Variants in SH3RF1 observed in about 807,000 individuals in gnomAD.
The protein encoded by SH3RF1 is E3 ubiquitin-protein ligase SH3RF1.
Under a neutral mutation model 74.0 loss-of-function variants are expected in SH3RF1, and 32 were observed. The observed-to-expected ratio is 0.43, with a 90% confidence interval of 0.33 to 0.58. The LOEUF (loss-of-function observed/expected upper bound fraction) is 0.58, where lower values mean the gene tolerates loss of function less well. Ranked by LOEUF, SH3RF1 falls within the 20% of genes least tolerant of loss-of-function variation. SH3RF1 has a pLI of 0.05. For missense variants in SH3RF1, 954 were observed against 1,130.9 expected (o/e 0.84, Z 2.24); for synonymous variants, 396 against 439.6 (o/e 0.90, Z 1.24).
intron 2 of SH3RF1, among the ~76,000 whole-genome samples, chr4:169,192,249 C>A (rs192521319): frequency 1.1e-4 from 17 of 151,674 alleles, no homozygotes; most frequent in African/African-American, 3.9e-4. Flanking sequence ...ATAGACAGTT[C>A]GCAAAAGAAG....
rs1731405406 is a variant in SH3RF1, at chr4:169,269,288, C to T, written c.-76G>A. The T allele has an allele frequency of 6.9e-7, 1 of 1,441,304 alleles. No homozygotes were observed. Among genetic ancestry groups the T allele is most frequent in the African/African-American group, 1.4e-5 (1 of 69,818 alleles). The allele number at this position is 1,441,304 out of a possible 1,614,324, so 89.3% of individuals were successfully genotyped here. ...GCATCCCTTAAAATGACTCATGTAA[C>T]ATCCATTTCAGACTTTGCTCTAGAG... On this transcript the variant is annotated 5_prime_UTR_variant, in exon 2 of 12. It removes an upstream start codon present in the reference 5' UTR. Coordinates refer to ENST00000284637, the MANE Select transcript of SH3RF1 (RefSeq NM_020870.4).
intron 4 of SH3RF1, among the ~76,000 whole-genome samples, chr4:169,144,285 A>G (rs768744469): frequency 6.6e-6 from 1 of 152,240 alleles, no homozygotes; most frequent in Non-Finnish European, 1.5e-5. Flanking sequence ...TCTCATTTGT[A>G]ACATGAAGCA....
At chr4:169,135,174 AAAACAAAC>A (rs143567645) in intron 5 of SH3RF1, among the ~76,000 whole-genome samples, 1 of 150,718 alleles carries the variant, frequency 6.6e-6, no homozygotes, top group African/African-American at 2.4e-5. Context: ...ATCTCTATTA[AAAACAAAC>A]AAACAAACAA....
intron 2 of SH3RF1, among the ~76,000 whole-genome samples, chr4:169,196,404 A>C (rs1734812220): frequency 6.6e-6 from 1 of 152,238 alleles, no homozygotes; most frequent in Admixed American, 6.5e-5. Context: ...ACTTAAAATC[A>C]GTTTCTGAGA....
At position 169,255,622 on chromosome 4, in the gene SH3RF1, T is replaced by TACACACACACACACACACACAC. The variant is rs56229906; in HGVS notation, c.393+13176_393+13197dup. 4.7e-3 allele frequency among the ~76,000 whole-genome samples: 590 copies of TACACACACACACACACACACAC among 124,610 alleles called. 14 individuals are homozygous for TACACACACACACACACACACAC. Among genetic ancestry groups the TACACACACACACACACACACAC allele is most frequent in the South Asian group, 0.013 (41 of 3,252 alleles). 81.7% of individuals were successfully genotyped at this position (124,610 alleles called of 152,430 possible). On this transcript the variant is annotated intron_variant, in intron 2 of 11. Transcript: ENST00000284637. ...ATACATACACACATACATACACACA[T>TACACACACACACACACACACAC]ACACACACACACACACACACACACA...
chr4:169,183,824 G>C (rs889865277), intron 2 of SH3RF1, among the ~76,000 whole-genome samples: 1 of 151,836 alleles, frequency 6.6e-6, no homozygotes, highest in Non-Finnish European at 1.5e-5. Flanking sequence ...AAATGTGTTA[G>C]GACACGACTG....
At position 169,117,663 on chromosome 4, in the gene SH3RF1, T is replaced by C. The variant is rs1733360433; in HGVS notation, c.1637A>G (p.Asn546Ser). 2 of 1,614,190 alleles carry C rather than the reference T, an allele frequency of 1.2e-6. No individual in the cohort carries two copies. Among genetic ancestry groups the C allele is most frequent in the Non-Finnish European group, 8.5e-7 (1 of 1,180,034 alleles). Residue 546 changes from asparagine to serine, a missense_variant, in exon 9 of 12, where the codon AAT (asparagine) becomes AGT (serine). Transcript: ENST00000284637. ...AACACTGGGACTCCCAGCCACGCCA[T>C]TTCCCTGGAGCTTCTGGGCAGGCCC... ...AGGPAQKLQG[N>S]GVAGSPSVVP...
chr4:169,245,025 C>T (rs566213990), intron 2 of SH3RF1, among the ~76,000 whole-genome samples: 74 of 152,202 alleles, frequency 4.9e-4, no homozygotes, highest in Middle Eastern at 6.8e-3. Context: ...AGCGGATATT[C>T]CATCTTAATG....
rs189910251 is a variant in SH3RF1 at position 169,232,993 on chromosome 4, A to C, written c.393+35827T>G. Reference sequence around the variant, plus strand: ...GCCAAGCGCAGTGGCTCACACCTGTAATCCCAGAACTTTGGGAGGCCGAGG... The same window carrying C: ...GCCAAGCGCAGTGGCTCACACCTGTCATCCCAGAACTTTGGGAGGCCGAGG... On this transcript the variant is annotated intron_variant, in intron 2 of 11. Coordinates refer to ENST00000284637, the MANE Select transcript of SH3RF1 (RefSeq NM_020870.4). 5.3e-4 allele frequency among the ~76,000 whole-genome samples: 80 copies of C among 152,304 alleles called. 1 individual carries two copies. In the East Asian group the frequency reaches 0.015, roughly 28 times the overall value.
intron 2 of SH3RF1, among the ~76,000 whole-genome samples, chr4:169,257,748 T>C (rs1731215258): frequency 1.3e-5 from 2 of 152,360 alleles, no homozygotes; most frequent in South Asian, 4.1e-4. Flanking sequence ...ATGAAGATAA[T>C]AATCTGGCAG....
At chr4:169,148,769 T>C (rs770303758) in intron 4 of SH3RF1, among the ~76,000 whole-genome samples, 53 of 152,140 alleles carry the variant, frequency 3.5e-4, no homozygotes, top group Non-Finnish European at 6.0e-4. Flanking sequence ...ATACGAAAAT[T>C]AGGGAAGAAA....
rs757966359 is a variant in SH3RF1, at chr4:169,116,278, C to T, written c.2130G>A (p.Lys710=). ...GTAAGTATGGTCTTACTTTGCTATCCTTGTCTGGTTTGGTTGCTGAACTGT... is the reference window on the plus strand; with the variant it reads ...GTAAGTATGGTCTTACTTTGCTATCTTTGTCTGGTTTGGTTGCTGAACTGT... ...CGNSSATKPD[K]DSKKEKKGLL... The change falls in exon 10 of 12, where the codon AAG becomes AAA. Residue 710 remains lysine (K), a synonymous_variant. Transcript: ENST00000284637. 1.2e-5 allele frequency: 20 copies of T among 1,606,080 alleles called. No homozygotes were observed. The Admixed American group carries it at 2.2e-4, about 18-fold the overall frequency.
At chr4:169,162,900 T>C (rs563007845) in intron 2 of SH3RF1, among the ~76,000 whole-genome samples, 1 of 152,286 alleles carries the variant, frequency 6.6e-6, no homozygotes, top group South Asian at 2.1e-4. Context: ...CACTCTGTGC[T>C]GTCTGCTGCC....
intron 10 of SH3RF1, among the ~76,000 whole-genome samples, chr4:169,108,612 C>CT (rs1733187992): frequency 6.6e-6 from 1 of 152,204 alleles, no homozygotes; most frequent in African/African-American, 2.4e-5. Flanking sequence ...AGCTGATCCC[C>CT]ACCACCCTGC....
intron 2 of SH3RF1, among the ~76,000 whole-genome samples, chr4:169,204,354 T>C (rs1380705958): frequency 6.6e-6 from 1 of 152,114 alleles, no homozygotes; most frequent in Non-Finnish European, 1.5e-5. Context: ...AAAGGTTTTA[T>C]CTCCCTCAAA....
chr4:169,216,234 AAAAG>A (rs1297759708), intron 2 of SH3RF1, among the ~76,000 whole-genome samples: 2 of 152,210 alleles, frequency 1.3e-5, no homozygotes, highest in African/African-American at 2.4e-5. Flanking sequence ...CATTTGGAAA[AAAAG>A]AAATAAAGAA....
chr4:169,130,754 T>C (rs1000428536), intron 5 of SH3RF1, among the ~76,000 whole-genome samples: 1 of 152,202 alleles, frequency 6.6e-6, no homozygotes, highest in Non-Finnish European at 1.5e-5. Context: ...TTCAAAGGTG[T>C]CTTATCCATG....
intron 8 of SH3RF1, among the ~76,000 whole-genome samples, chr4:169,118,705 C>T (rs1265581023): frequency 6.6e-6 from 1 of 152,302 alleles, no homozygotes; most frequent in Non-Finnish European, 1.5e-5. Context: ...GATCCACCCG[C>T]CTCAGCCTCC....
At chr4:169,235,713 C>T (rs1730814308) in intron 2 of SH3RF1, among the ~76,000 whole-genome samples, 1 of 151,308 alleles carries the variant, frequency 6.6e-6, no homozygotes, top group Admixed American at 6.6e-5. Flanking sequence ...TTTTTTGAGA[C>T]ATAGTTTTGC....
Sources: allele counts gnomAD v4.1 joint callset (sites outside exome capture counted in the v4.1 genomes callset), GRCh38; gene constraint gnomAD v4.1.1; transcripts MANE v1.5; gene names NCBI Gene and HGNC (gene_info 2026-07-23, HGNC 2026-07-21).